TSG101: variants seen among roughly 807,000 people sequenced by gnomAD.
The protein encoded by TSG101 is tumor susceptibility 101.
A neutral mutation model predicts 48.5 loss-of-function variants in TSG101; 19 were observed. The ratio of observed to expected loss-of-function variants is 0.39; its 90% CI spans 0.27 to 0.58. The LOEUF is 0.58. TSG101 is among the 20% of genes least tolerant of loss of function. TSG101 has a pLI of 0.55. For missense variants in TSG101, 365 were observed against 484.4 expected, an observed-to-expected ratio of 0.75 and a Z score of 2.31; for synonymous variants, 174 against 169.4, an observed-to-expected ratio of 1.03 and a Z score of -0.21.
chr11:18,505,092 T>C (rs1366205182), intron 6 of TSG101, among the ~76,000 whole-genome samples: 1 of 152,174 alleles, frequency 6.6e-6, no homozygotes, highest in African/African-American at 2.4e-5. Flanking sequence ...ATATTATATA[T>C]GTACATATAT....
intron 4 of TSG101, among the ~76,000 whole-genome samples, chr11:18,514,418 A>G (rs551081546): frequency 4.6e-5 from 7 of 152,218 alleles, no homozygotes; most frequent in Admixed American, 1.3e-4. Flanking sequence ...ACTTCCCACT[A>G]TGTGAATCCT....
chr11:18,502,584 A>G lies in TSG101; in HGVS notation c.549-7T>C, dbSNP rs1849906675. 1 of 1,605,312 alleles carries G rather than the reference A, an allele frequency of 6.2e-7. No individual in the cohort carries two copies. Among genetic ancestry groups the G allele is most frequent in the African/African-American group, 1.3e-5 (1 of 74,704 alleles). On this transcript the variant is annotated splice_polypyrimidine_tract_variant and splice_region_variant and intron_variant, in intron 6 of 9. Coordinates refer to ENST00000251968, the MANE Select transcript of TSG101 (RefSeq NM_006292.4). ...AGGACAGCCTGGGTAACCACTAAAG[A>G]CAAGAACAAAAAACATTTAACATTT...
chr11:18,505,631 T>C (rs1230023620), intron 6 of TSG101, among the ~76,000 whole-genome samples: 2 of 152,202 alleles, frequency 1.3e-5, no homozygotes, highest in Non-Finnish European at 2.9e-5. Flanking sequence ...TCATTGACTT[T>C]CTAGCGTGTG....
chr11:18,495,633 T>C (rs1590274920), intron 7 of TSG101, among the ~76,000 whole-genome samples: 1 of 152,090 alleles, frequency 6.6e-6, no homozygotes, highest in East Asian at 1.9e-4. Context: ...AAAAGAATCT[T>C]TGTGTTAAGT....
In TSG101 at chr11:18,494,246, T is replaced by C. The variant is rs187763538; in HGVS notation, c.640+8240A>G. On this transcript the variant is annotated intron_variant, in intron 7 of 9. Coordinates refer to ENST00000251968, the MANE Select transcript of TSG101 (RefSeq NM_006292.4). Reference sequence around the variant, plus strand: ...GTAAGTCATAAAAGATGAAAGATGCTACCTGGTAGGCATAAGCACAAAAGC... The same window carrying C: ...GTAAGTCATAAAAGATGAAAGATGCCACCTGGTAGGCATAAGCACAAAAGC... 1.4e-3 allele frequency among the ~76,000 whole-genome samples: 212 copies of C among 152,304 alleles called. 1 individual carries two copies. Among genetic ancestry groups the C allele is most frequent in the African/African-American group, 4.6e-3 (193 of 41,574 alleles).
At chr11:18,514,551 G>A (rs1565093496) in intron 4 of TSG101, 127 bp downstream of exon 4, 2 of 624,552 alleles carry the variant, frequency 3.2e-6, no homozygotes, top group Non-Finnish European at 4.8e-6. Context: ...CCTCAACTCA[G>A]TGATTAGTCC....
At chr11:18,508,761 TCAG>T (rs1012489911) in intron 5 of TSG101, 12 of 151,986 alleles carry the variant, frequency 7.9e-5, no homozygotes, top group African/African-American at 2.9e-4. Context: ...AGTATAATTT[TCAG>T]CAGAAGAAAA....
At chr11:18,501,618 T>C (rs535722035) in intron 7 of TSG101, among the ~76,000 whole-genome samples, 110 of 152,338 alleles carry the variant, frequency 7.2e-4, no homozygotes, top group Middle Eastern at 3.4e-3. Context: ...TCCATATACA[T>C]TTTATGATAG....
chr11:18,498,724 G>C (rs1849823416), intron 7 of TSG101, among the ~76,000 whole-genome samples: 1 of 152,074 alleles, frequency 6.6e-6, no homozygotes, highest in South Asian at 2.1e-4. Flanking sequence ...GCACAGAGAT[G>C]GTATTTAAAG....
chr11:18,526,529 T>G (rs1224463344), intron 1 of TSG101, among the ~76,000 whole-genome samples: 1 of 152,186 alleles, frequency 6.6e-6, no homozygotes, highest in African/African-American at 2.4e-5. Flanking sequence ...GGGCGGCAGG[T>G]GTCAGGTAGC....
At chr11:18,520,069 CA>C (rs1850243974) in intron 1 of TSG101, among the ~76,000 whole-genome samples, 1 of 152,194 alleles carries the variant, frequency 6.6e-6, no homozygotes, top group South Asian at 2.1e-4. Context: ...AATCACCCCC[CA>C]TTCTACTTGT....
chr11:18,484,935 CTTTTTT>C (rs529154247), intron 7 of TSG101, among the ~76,000 whole-genome samples: 2 of 108,032 alleles, frequency 1.9e-5, no homozygotes, highest in African/African-American at 3.7e-5. Flanking sequence ...TAATTGCCGC[CTTTTTT>C]TTTTTTTTTT....
At chr11:18,522,288 T>C (rs1850290380) in intron 1 of TSG101, among the ~76,000 whole-genome samples, 2 of 152,230 alleles carry the variant, frequency 1.3e-5, no homozygotes, top group Non-Finnish European at 2.9e-5. Context: ...ATCTAATAAA[T>C]GTCAAATTGA....
chr11:18,484,819 GTTC>G (rs1469862090), intron 7 of TSG101, among the ~76,000 whole-genome samples: 1 of 151,542 alleles, frequency 6.6e-6, no homozygotes, highest in East Asian at 1.9e-4. Context: ...GACTATCAGT[GTTC>G]TTCAGTTATT....
intron 1 of TSG101, chr11:18,525,628 G>A (rs1850359619): frequency 3.1e-6 from 3 of 958,218 alleles, no homozygotes; most frequent in African/African-American, 1.8e-5. Context: ...TTTTCAAAAA[G>A]TGATATATAA....
intron 1 of TSG101, among the ~76,000 whole-genome samples, chr11:18,520,344 C>T (rs1276278283): frequency 6.6e-6 from 1 of 152,206 alleles, no homozygotes; most frequent in Non-Finnish European, 1.5e-5. Flanking sequence ...CTGCCTCAGC[C>T]TCCCAAGTAT....
intron 7 of TSG101, among the ~76,000 whole-genome samples, chr11:18,494,451 T>C (rs1009431349): frequency 6.6e-6 from 1 of 152,230 alleles, no homozygotes; most frequent in African/African-American, 2.4e-5. Flanking sequence ...TTTCCTTTAC[T>C]AACAAAATAA....
chr11:18,483,835 A>G, intron 8 of TSG101, 35 bp downstream of exon 8: 1 of 1,610,154 alleles, frequency 6.2e-7, no homozygotes, highest in Non-Finnish European at 8.5e-7. Flanking sequence ...CTACAATTCA[A>G]TCCAAAAATT....
rs768025271 is a variant in TSG101, at chr11:18,509,628, A to G, written c.395T>C (p.Ile132Thr). The G allele has an allele frequency of 8.1e-6, 13 of 1,613,612 alleles. No homozygotes were observed. The African/African-American group carries it at 1.2e-4, about 15-fold the overall frequency. Residue 132 changes from isoleucine to threonine, a missense_variant, in exon 5 of 10, where the codon ATT becomes ACT. Ile to Thr is a moderately conservative substitution (Grantham distance 89, BLOSUM62 -1). Coordinates refer to ENST00000251968, the MANE Select transcript of TSG101 (RefSeq NM_006292.4). Reference protein sequence around the residue: ...SDLLGLIQVMIVVFGDEPPVF... With the variant: ...SDLLGLIQVMTVVFGDEPPVF... ...TGGAGGTTCATCTCCAAATACCACA[A>G]TCATGACCTGAATAAGCCCCAACAA... is the stretch of plus-strand genomic sequence containing the variant.
Sources: gnomAD v4.1 joint callset for allele counts (sites outside exome capture counted in the v4.1 genomes callset) on GRCh38, gnomAD v4.1.1 for gene constraint, MANE v1.5 for transcripts, NCBI Gene and HGNC (gene_info 2026-07-23, HGNC 2026-07-21) for gene names.